The following MTSS1 variants were observed in gnomAD, a reference collection of about 807,000 sequenced individuals.
The protein encoded by MTSS1 is MTSS I-BAR domain containing 1.
In MTSS1, 18 loss-of-function variants were observed where a neutral mutation model predicts 79.0. That is an observed-to-expected ratio of 0.23 (90% CI 0.16 to 0.34). The LOEUF is 0.34. Among genes scored for constraint, MTSS1 ranks in the 10% least tolerant of loss-of-function variants. The probability of loss-of-function intolerance (pLI) is 1.00; values close to 1 mark genes in which losing one functional copy is unlikely to be tolerated. For missense variants in MTSS1, 815 were observed against 986.2 expected (o/e 0.83, Z 2.33); for synonymous variants, 341 against 368.6 (o/e 0.93, Z 0.86).
At position 124,727,352 on chromosome 8, in the gene MTSS1, A is replaced by T. The variant is rs1233276533; in HGVS notation, c.72+532T>A. ...CTTCGGAACGGCCCAATTAATAACT[A>T]ATTTGCTCAGATACCCCACTCCAAG... On this transcript the variant is annotated intron_variant, in intron 1 of 13. Transcript: ENST00000518547. This position sits in a 1 kb window ranked among gnomAD's most constrained non-coding sequence, Gnocchi z 4.7. 6.6e-6 allele frequency among the ~76,000 whole-genome samples: 1 copy of T among 152,122 alleles called. No individual in the cohort carries two copies. The highest frequency in any genetic ancestry group is 1.5e-5 in the Non-Finnish European group (1 of 68,004).
In MTSS1 at chr8:124,567,193, A is replaced by G; in HGVS notation, c.619-15T>C. The G allele has an allele frequency of 6.4e-7, 1 of 1,555,970 alleles. No individual in the cohort carries two copies. The highest frequency in any genetic ancestry group is 8.9e-7 in the Non-Finnish European group (1 of 1,127,148). ...ATTTCTTCTTCCTGAAGGAAAAGTC[A>G]TTCATGAAATGTTATTATCATGAGT... is the stretch of plus-strand genomic sequence containing the variant. On this transcript the variant is annotated splice_polypyrimidine_tract_variant and intron_variant, in intron 7 of 13. Coordinates refer to ENST00000518547, the MANE Select transcript of MTSS1 (RefSeq NM_014751.6).
chr8:124,664,319 C>T (rs1415300202), intron 3 of MTSS1, among the ~76,000 whole-genome samples: 3 of 152,170 alleles, frequency 2.0e-5, no homozygotes, highest in East Asian at 1.9e-4. Context: ...CTCCTTCCAG[C>T]GAGGCCCGTC....
At chr8:124,707,042 CT>C (rs150036835) in intron 1 of MTSS1, among the ~76,000 whole-genome samples, 11,012 of 152,148 alleles carry the variant, frequency 0.072, 534 homozygotes, top group Non-Finnish European at 0.1. Flanking sequence ...ACCATTCCTT[CT>C]CTTTCTGAGC....
chr8:124,568,685 G>C (rs933098627), intron 6 of MTSS1, 149 bp from the exon 7 acceptor site: 1 of 1,479,354 alleles, frequency 6.8e-7, no homozygotes. Flanking sequence ...AGGATTTAAG[G>C]CAGCTGTTTT....
chr8:124,670,367 AGGCGGGCGGCACCCCACACAGCCT>A (rs1422261579), intron 3 of MTSS1, among the ~76,000 whole-genome samples: 2 of 151,500 alleles, frequency 1.3e-5, no homozygotes, highest in Admixed American at 1.3e-4. Flanking sequence ...GATTACACTC[AGGCGGGCGGCACCCCACACAGCCT>A]GGCGGCACCC....
intron 3 of MTSS1, among the ~76,000 whole-genome samples, chr8:124,639,836 C>T (rs553335643): frequency 2.6e-5 from 4 of 152,282 alleles, no homozygotes; most frequent in African/African-American, 9.6e-5. Flanking sequence ...CCTAACCTTT[C>T]GTTCAATTTC....
chr8:124,692,156 A>C (rs1335721257), intron 3 of MTSS1, among the ~76,000 whole-genome samples: 1 of 151,432 alleles, frequency 6.6e-6, no homozygotes, highest in African/African-American at 2.4e-5. Context: ...CAGCCTCCCG[A>C]GTAGCTGGAA....
chr8:124,564,544 C>A (rs1013159874), intron 9 of MTSS1, among the ~76,000 whole-genome samples: 1 of 152,146 alleles, frequency 6.6e-6, no homozygotes, highest in Non-Finnish European at 1.5e-5. Context: ...AGCAACTCCA[C>A]CCCGGCAGCC....
chr8:124,592,508 G>C (rs1445296894), intron 3 of MTSS1, among the ~76,000 whole-genome samples: 1 of 152,098 alleles, frequency 6.6e-6, no homozygotes, highest in Non-Finnish European at 1.5e-5. Context: ...TCTCTTATTA[G>C]TACTCGTGAC....
chr8:124,568,808 G>A, intron 6 of MTSS1: 4 of 1,443,086 alleles, frequency 2.8e-6, no homozygotes, highest in Non-Finnish European at 3.6e-6. Context: ...TTCTCACACT[G>A]CACAACCCCC....
At chr8:124,700,383 C>A (rs1433816043) in intron 2 of MTSS1, among the ~76,000 whole-genome samples, 1 of 152,094 alleles carries the variant, frequency 6.6e-6, no homozygotes, top group African/African-American at 2.4e-5. Context: ...GCCACAAATA[C>A]GAGGCCACAA....
At chr8:124,633,040 G>A (rs1439258614) in intron 3 of MTSS1, among the ~76,000 whole-genome samples, 1 of 152,026 alleles carries the variant, frequency 6.6e-6, no homozygotes, top group Non-Finnish European at 1.5e-5. Context: ...GCGGGGCATG[G>A]TAGCTCACAT....
intron 3 of MTSS1, among the ~76,000 whole-genome samples, chr8:124,632,347 G>C (rs530197240): frequency 2.7e-4 from 41 of 150,898 alleles, no homozygotes; most frequent in Middle Eastern, 3.5e-3. Flanking sequence ...ACATACATAG[G>C]TCAGTAAAAA....
Position 124,643,867 on chromosome 8 carries a change from AC to A in MTSS1, c.209-52633del, listed in dbSNP as rs367917591. On this transcript the variant is annotated intron_variant, in intron 3 of 13. Coordinates refer to ENST00000518547, the MANE Select transcript of MTSS1 (RefSeq NM_014751.6). ...TTTCCAAATGGCAAAATTACAGGTA[AC>A]TTTTATATGTTGTCAGAGAATTGTT... 3.5e-4 allele frequency among the ~76,000 whole-genome samples: 53 copies of A among 152,312 alleles called. 1 individual carries two copies. The East Asian group carries it at 8.7e-3, about 25-fold the overall frequency.
At chr8:124,663,011 G>C (rs1314343284) in intron 3 of MTSS1, among the ~76,000 whole-genome samples, 1 of 152,112 alleles carries the variant, frequency 6.6e-6, no homozygotes, top group African/African-American at 2.4e-5. Flanking sequence ...AGCCAGGTGA[G>C]AACACTGGAT....
chr8:124,728,010 G>C lies in MTSS1; in HGVS notation c.-55C>G. The stretch of plus-strand genomic sequence containing the variant: ...CACGCGGGGCCGCTGGACTGCGCGC[G>C]GGGCCGGGGCTCGCTCACCCCAGAA... On this transcript the variant is annotated 5_prime_UTR_variant, in exon 1 of 14. Transcript: ENST00000518547. The surrounding 1 kb of genome is among the most constrained non-coding windows in gnomAD (Gnocchi z 6.1). The C allele has an allele frequency of 6.6e-7, 1 of 1,519,736 alleles. No homozygotes were observed. The highest frequency in any genetic ancestry group is 9.1e-7 in the Non-Finnish European group (1 of 1,103,938). The allele number at this position is 1,519,736 out of a possible 1,614,324, so 94.1% of individuals were successfully genotyped here.
intron 3 of MTSS1, among the ~76,000 whole-genome samples, chr8:124,629,505 C>CA (rs982816199): frequency 0.023 from 1,393 of 61,640 alleles, 38 homozygotes; most frequent in East Asian, 0.032. Context: ...GACTCCGTCT[C>CA]AAAAAAAAAA....
At chr8:124,602,194 T>TATATATATATACACACACAC (rs146258952) in intron 3 of MTSS1, among the ~76,000 whole-genome samples, 3,305 of 141,840 alleles carry the variant, frequency 0.023, 247 homozygotes, top group East Asian at 0.19. Flanking sequence ...TATACATATA[T>TATATATATATACACACACAC]ATATATATAT....
intron 3 of MTSS1, among the ~76,000 whole-genome samples, chr8:124,630,404 G>A (rs1458972612): frequency 6.6e-6 from 1 of 152,242 alleles, no homozygotes; most frequent in African/African-American, 2.4e-5. Context: ...GGGAGGACCT[G>A]AAAGAGGAGG....
Sources: allele counts gnomAD v4.1 joint callset (sites outside exome capture counted in the v4.1 genomes callset), GRCh38; gene constraint gnomAD v4.1.1; non-coding constraint Gnocchi (gnomAD v3.1); transcripts MANE v1.5; gene names NCBI Gene and HGNC (gene_info 2026-07-23, HGNC 2026-07-21).